VSIG1: variants seen among roughly 807,000 people sequenced by gnomAD.
VSIG1 encodes the protein V-set and immunoglobulin domain containing 1.
In VSIG1, 11 loss-of-function variants were observed where a neutral mutation model predicts 20.1. The observed-to-expected ratio is 0.55, with a 90% CI of 0.34 to 0.91. The LOEUF is 0.91. Among genes scored for constraint, VSIG1 ranks in the 40% least tolerant of loss-of-function variants. The probability of loss-of-function intolerance (pLI) is 0.02; values close to 1 mark genes in which losing one functional copy is unlikely to be tolerated. For missense variants in VSIG1, 283 were observed against 298.8 expected (o/e 0.95, Z 0.39); for synonymous variants, 126 against 116.7 (o/e 1.08, Z -0.52).
At chrX:108,029,946 AG>A in the VSIG1 span, among the ~76,000 whole-genome samples, 1 of 111,800 alleles carries the variant, frequency 8.9e-6, no homozygotes, top group Non-Finnish European at 1.9e-5. Context: ...GAGACAGCTG[AG>A]GTTGTTTTAA....
chrX:108,055,173 G>C (rs1266016135), intron 1 of VSIG1, among the ~76,000 whole-genome samples: 11 of 110,667 alleles, frequency 9.9e-5, no homozygotes, highest in Non-Finnish European at 3.8e-5. Flanking sequence ...AGAATATTAT[G>C]AACAATTATA....
intron 2 of VSIG1, 24 bp downstream of exon 2, chrX:108,058,225 C>A (rs758093153): frequency 8.4e-7 from 1 of 1,188,119 alleles, no homozygotes; most frequent in Non-Finnish European, 1.1e-6. Flanking sequence ...TTCCTAAACT[C>A]TTCCCCTTTT....
the VSIG1 span, among the ~76,000 whole-genome samples, chrX:108,031,520 A>G: frequency 8.9e-6 from 1 of 112,005 alleles, no homozygotes; most frequent in African/African-American, 3.2e-5. Flanking sequence ...AGCTCTGTTT[A>G]GTGGAGATAA....
the VSIG1 span, among the ~76,000 whole-genome samples, chrX:108,033,487 G>A: frequency 8.9e-6 from 1 of 111,934 alleles, no homozygotes; most frequent in African/African-American, 3.3e-5. Context: ...AAGCAGTGCA[G>A]GTAGTGGGGT....
chrX:108,071,899 A>AG (rs1292717177), intron 3 of VSIG1, among the ~76,000 whole-genome samples: 1 of 109,325 alleles, frequency 9.1e-6, no homozygotes. Flanking sequence ...ATGCAAAAAA[A>AG]AAAAAAAAAA....
chrX:108,037,422 C>T, the VSIG1 span, among the ~76,000 whole-genome samples: 1 of 111,628 alleles, frequency 9.0e-6, no homozygotes, highest in African/African-American at 3.3e-5. Context: ...CTTTTAGAAA[C>T]CCCAGACTGC....
chrX:108,072,750 C>T lies in VSIG1; in HGVS notation c.486C>T (p.Leu162=). 1 of 1,210,748 alleles carries T rather than the reference C, an allele frequency of 8.3e-7. No individual in the cohort carries two copies. Among genetic ancestry groups the T allele is most frequent in the Non-Finnish European group, 1.1e-6 (1 of 894,846 alleles). Residue 162 remains leucine, a synonymous_variant, in exon 4 of 7, where the codon CTC becomes CTT. Coordinates refer to ENST00000217957, the MANE Select transcript of VSIG1 (RefSeq NM_182607.5). The stretch of plus-strand genomic sequence containing the variant: ...GCCACACTATTTCCCTTTCCTGTCT[C>T]TCTGCGCTTGGAACACCTTCCCCTG... ...ETGHTISLSC[L]SALGTPSPVY...
At chrX:108,072,260 T>TG (rs1555982777) in intron 3 of VSIG1, among the ~76,000 whole-genome samples, 3 of 109,892 alleles carry the variant, frequency 2.7e-5, no homozygotes, top group Non-Finnish European at 5.7e-5. Context: ...ATAATTTTTT[T>TG]TGTGTGTGTG....
intron 1 of VSIG1, among the ~76,000 whole-genome samples, chrX:108,047,969 T>TATATACACAC (rs1569287472): frequency 2.3e-5 from 1 of 43,075 alleles, no homozygotes; most frequent in African/African-American, 1.0e-4. Flanking sequence ...CACATATATA[T>TATATACACAC]ATATATATAT....
At chrX:108,037,358 A>G in the VSIG1 span, among the ~76,000 whole-genome samples, 1 of 111,723 alleles carries the variant, frequency 9.0e-6, no homozygotes, top group East Asian at 2.8e-4. Flanking sequence ...TTCCCCATCT[A>G]CCCTGTTTCT....
At chrX:108,067,456 G>C (rs1456161219) in intron 3 of VSIG1, among the ~76,000 whole-genome samples, 1 of 111,791 alleles carries the variant, frequency 8.9e-6, no homozygotes, top group African/African-American at 3.3e-5. Flanking sequence ...ATGATCACTA[G>C]CAACTCTTTT....
upstream of VSIG1, among the ~76,000 whole-genome samples, chrX:108,042,367 A>T (rs961167995): frequency 8.9e-6 from 1 of 112,096 alleles, no homozygotes; most frequent in East Asian, 2.8e-4. Context: ...GCAAGCTCTT[A>T]CTTAGCACCT....
chrX:108,059,844 T>C (rs1410327118), intron 2 of VSIG1, among the ~76,000 whole-genome samples: 1 of 112,705 alleles, frequency 8.9e-6, no homozygotes, highest in Non-Finnish European at 1.9e-5. Flanking sequence ...GGGCTGGATT[T>C]AGGGAGACCT....
chrX:108,029,735 T>C, the VSIG1 span, among the ~76,000 whole-genome samples: 1 of 111,864 alleles, frequency 8.9e-6, no homozygotes, highest in Non-Finnish European at 1.9e-5. Flanking sequence ...AAAGACTTTC[T>C]CCTCTCTATT....
At chrX:108,024,437 C>T in the VSIG1 span, among the ~76,000 whole-genome samples, 1 of 109,105 alleles carries the variant, frequency 9.2e-6, no homozygotes, top group Non-Finnish European at 1.9e-5. Context: ...TGTTCGCTAT[C>T]TCATTTATTT....
the VSIG1 span, among the ~76,000 whole-genome samples, chrX:108,027,121 C>T: frequency 9.0e-6 from 1 of 111,206 alleles, no homozygotes; most frequent in Non-Finnish European, 1.9e-5. Flanking sequence ...GGCAGTTCCT[C>T]AAGCAGTTAA....
At chrX:108,053,968 T>C (rs956734854) in intron 1 of VSIG1, among the ~76,000 whole-genome samples, 5 of 111,633 alleles carry the variant, frequency 4.5e-5, no homozygotes, top group African/African-American at 1.6e-4. Context: ...CTGGGGGTCT[T>C]GGAATATATC....
intron 2 of VSIG1, among the ~76,000 whole-genome samples, chrX:108,060,578 A>G (rs2030999096): frequency 8.9e-6 from 1 of 111,748 alleles, no homozygotes; most frequent in Admixed American, 9.5e-5. Flanking sequence ...TCCTGCTGGC[A>G]TGGGCTTCTC....
In VSIG1 at chrX:108,058,042, G is replaced by T. The variant is rs754479061; in HGVS notation, c.54G>T (p.Gln18His). 8.3e-7 allele frequency: 1 copy of T among 1,207,554 alleles called. No individual in the cohort carries two copies. Among genetic ancestry groups the T allele is most frequent in the South Asian group, 1.8e-5 (1 of 56,003 alleles). ...VFLILSCLAG[Q>H]VSVVQVTIPD... The stretch of plus-strand genomic sequence containing the variant: ...TTTTTATGATTATCTTTTCAGGTCA[G>T]GTTAGTGTGGTGCAAGTGACCATCC... The change falls in exon 2 of 7, where the codon CAG becomes CAT. Residue 18 changes from glutamine (Q) to histidine (H), a missense_variant. Coordinates refer to ENST00000217957, the MANE Select transcript of VSIG1 (RefSeq NM_182607.5).
Sources: gnomAD v4.1 joint callset for allele counts (sites outside exome capture counted in the v4.1 genomes callset) on GRCh38, gnomAD v4.1.1 for gene constraint, MANE v1.5 for transcripts, NCBI Gene and HGNC (gene_info 2026-07-23, HGNC 2026-07-21) for gene names.